Variants in DPYD observed in about 807,000 individuals in gnomAD.
DPYD encodes dihydropyrimidine dehydrogenase [NADP(+)].
In DPYD, 109 loss-of-function variants were observed where a neutral mutation model predicts 116.2. The ratio of observed to expected loss-of-function variants is 0.94; its 90% confidence interval spans 0.80 to 1.10. The LOEUF (loss-of-function observed/expected upper bound fraction) is 1.10. Among genes scored for constraint, DPYD ranks in the 50% least tolerant of loss-of-function variants. The probability of loss-of-function intolerance (pLI) is 0.00; values close to 1 mark genes in which losing one functional copy is unlikely to be tolerated. For missense variants in DPYD, 1,302 were observed against 1,254.5 expected (o/e 1.04, Z -0.57); for synonymous variants, 440 against 432.0 (o/e 1.02, Z -0.23).
Position 97,740,419 on chromosome 1 carries a change from T to C in DPYD, c.294A>G (p.Lys98=). 1.2e-6 allele frequency: 2 copies of C among 1,613,132 alleles called. No individual in the cohort carries two copies. Among genetic ancestry groups the C allele is most frequent in the Non-Finnish European group, 1.7e-6 (2 of 1,179,388 alleles). The change falls in exon 4 of 23, where the codon AAA becomes AAG. Residue 98 remains lysine (K), a synonymous_variant. Coordinates refer to ENST00000370192, the MANE Select transcript of DPYD (RefSeq NM_000110.4). ...QKSCPTNLDI[K]SFITSIANKN... ...TGTTTGCAATACTTGTGATGAATGA[T>C]TTAATATCAAGATTAGTTGGACAGC...
intron 4 of DPYD, among the ~76,000 whole-genome samples, chr1:97,723,634 T>C (rs767206134): frequency 1.3e-5 from 2 of 151,696 alleles, no homozygotes; most frequent in Non-Finnish European, 3.0e-5. Context: ...CTGTTTCTTT[T>C]AATCAAGAGA....
At chr1:97,382,619 T>C (rs536825440) in intron 14 of DPYD, among the ~76,000 whole-genome samples, 158 bp from the exon 15 acceptor site, 13 of 152,294 alleles carry the variant, frequency 8.5e-5, no homozygotes, top group Non-Finnish European at 1.6e-4. Flanking sequence ...CAGGGTAAGA[T>C]AGCAAAACAC....
chr1:97,668,227 A>C (rs1278233088), intron 8 of DPYD, among the ~76,000 whole-genome samples: 4 of 152,180 alleles, frequency 2.6e-5, no homozygotes, highest in Non-Finnish European at 5.9e-5. Flanking sequence ...AGCATAAATA[A>C]ATTTTAAAAA....
chr1:97,133,721 G>T (rs1238584103), intron 20 of DPYD, among the ~76,000 whole-genome samples: 1 of 151,742 alleles, frequency 6.6e-6, no homozygotes, highest in Non-Finnish European at 1.5e-5. Context: ...TTGTAGGCCT[G>T]GTGCGGTGGT....
chr1:97,381,484 T>A (rs1012088513), intron 15 of DPYD, among the ~76,000 whole-genome samples: 4 of 152,150 alleles, frequency 2.6e-5, no homozygotes, highest in Non-Finnish European at 5.9e-5. Context: ...GGTAAATACA[T>A]GTATCAAATG....
chr1:97,917,035 G>A (rs1442714094), intron 1 of DPYD, among the ~76,000 whole-genome samples: 1 of 152,078 alleles, frequency 6.6e-6, no homozygotes, highest in South Asian at 2.1e-4. Context: ...CCACAAAACA[G>A]CTTAAAGTAG....
intron 20 of DPYD, among the ~76,000 whole-genome samples, chr1:97,152,698 G>GAT (rs1298638818): frequency 2.7e-5 from 4 of 150,654 alleles, no homozygotes; most frequent in Non-Finnish European, 4.4e-5. Context: ...CTAATATATT[G>GAT]ATATATATAA....
intron 3 of DPYD, among the ~76,000 whole-genome samples, chr1:97,746,075 GT>G (rs1304630071): frequency 2.0e-5 from 3 of 152,084 alleles, no homozygotes; most frequent in Admixed American, 6.6e-5. Context: ...AAAGGTTGGA[GT>G]TTTACAGTAT....
chr1:97,464,938 C>T (rs886639613), intron 13 of DPYD, among the ~76,000 whole-genome samples: 1 of 152,130 alleles, frequency 6.6e-6, no homozygotes, highest in African/African-American at 2.4e-5. Context: ...GCACCATGCA[C>T]CTGGAAAAGC....
chr1:97,181,201 G>C (rs1296974037), intron 20 of DPYD, among the ~76,000 whole-genome samples: 1 of 152,090 alleles, frequency 6.6e-6, no homozygotes, highest in African/African-American at 2.4e-5. Context: ...CAAATGATTA[G>C]AGTTGCCTTG....
intron 3 of DPYD, among the ~76,000 whole-genome samples, chr1:97,762,864 C>T (rs542232108): frequency 6.6e-6 from 1 of 152,132 alleles, no homozygotes; most frequent in East Asian, 1.9e-4. Flanking sequence ...GACTTAGATT[C>T]AAATCCTGAT....
At chr1:97,776,378 A>G (rs1320408744) in intron 3 of DPYD, among the ~76,000 whole-genome samples, 2 of 152,180 alleles carry the variant, frequency 1.3e-5, no homozygotes, top group South Asian at 2.1e-4. Flanking sequence ...AGGTGTGTCC[A>G]TATCTCTGAA....
intron 20 of DPYD, among the ~76,000 whole-genome samples, chr1:97,145,194 T>A (rs1349512503): frequency 6.6e-6 from 1 of 152,210 alleles, no homozygotes; most frequent in Non-Finnish European, 1.5e-5. Context: ...AATCTAATGG[T>A]TGATTTTTTT....
chr1:97,845,272 A>C (rs1164541927), intron 2 of DPYD, among the ~76,000 whole-genome samples: 2 of 152,174 alleles, frequency 1.3e-5, no homozygotes, highest in Non-Finnish European at 2.9e-5. Context: ...GGACCTGCCC[A>C]CAGCCACCTA....
intron 13 of DPYD, among the ~76,000 whole-genome samples, chr1:97,451,016 T>G (rs893243200): frequency 6.6e-6 from 1 of 152,148 alleles, no homozygotes; most frequent in African/African-American, 2.4e-5. Context: ...CAATTAAAAT[T>G]AATTTTGAGG....
chr1:97,236,604 A>G (rs1661944349), intron 18 of DPYD, among the ~76,000 whole-genome samples: 1 of 152,150 alleles, frequency 6.6e-6, no homozygotes, highest in African/African-American at 2.4e-5. Flanking sequence ...TAGGACAGTG[A>G]AAATACTATA....
chr1:97,257,651 T>G (rs1004797652), intron 18 of DPYD, among the ~76,000 whole-genome samples: 5 of 151,894 alleles, frequency 3.3e-5, no homozygotes, highest in Non-Finnish European at 7.4e-5. Context: ...ATACCATCAA[T>G]TTGAAAAAAT....
intron 8 of DPYD, among the ~76,000 whole-genome samples, chr1:97,637,987 A>G (rs554388005): frequency 1.3e-5 from 2 of 152,206 alleles, no homozygotes; most frequent in East Asian, 3.9e-4. Context: ...TTGCCTGATG[A>G]GCCCTTGGTG....
intron 1 of DPYD, among the ~76,000 whole-genome samples, chr1:97,890,993 T>C (rs527939543): frequency 6.6e-6 from 1 of 152,106 alleles, no homozygotes; most frequent in Non-Finnish European, 1.5e-5. Context: ...ATTCAATGGA[T>C]CTTGGGTAAA....
Sources: allele counts gnomAD v4.1 joint callset (sites outside exome capture counted in the v4.1 genomes callset), GRCh38; gene constraint gnomAD v4.1.1; transcripts MANE v1.5; gene names NCBI Gene and HGNC (gene_info 2026-07-23, HGNC 2026-07-21).